Variants in SMCHD1 observed in about 807,000 individuals in gnomAD.
The protein encoded by SMCHD1 is structural maintenance of chromosomes flexible hinge domain containing 1, also known as structural maintenance of chromosomes flexible hinge domain-containing protein 1.
A neutral mutation model predicts 254.7 loss-of-function variants in SMCHD1; 78 were observed. The observed-to-expected ratio is 0.31, with a 90% confidence interval of 0.26 to 0.37. The LOEUF (loss-of-function observed/expected upper bound fraction) is 0.37, where lower values mean the gene tolerates loss of function less well. Ranked by LOEUF, SMCHD1 falls within the 10% of genes least tolerant of loss-of-function variation. The pLI is 1.00. For missense variants in SMCHD1, 1,840 were observed against 2,408.1 expected (o/e 0.76, Z 4.94); for synonymous variants, 766 against 794.9 (o/e 0.96, Z 0.61).
rs764920870 is a variant in SMCHD1 at position 2,763,716 on chromosome 18, C to T, written c.4646C>T (p.Thr1549Ile). ...ATIKGSNEED[T>I]DTPLFIGKVR... ...ATTAAAGGCTCTAATGAGGAAGATA[C>T]TGATACCCCACTTTTTATTGGGAAA... Residue 1549 changes from threonine to isoleucine, a missense_variant, in exon 37 of 48, where the codon ACT becomes ATT. By Grantham distance (89) the Thr-to-Ile change is moderately conservative. Transcript: ENST00000320876. 5.0e-6 allele frequency: 8 copies of T among 1,609,888 alleles called. No individual in the cohort carries two copies. In the South Asian group the frequency reaches 6.6e-5, roughly 13 times the overall value.
At position 2,750,340 on chromosome 18, in the gene SMCHD1, G is replaced by A. The variant is rs1555647228; in HGVS notation, c.4008-10G>A. On this transcript the variant is annotated splice_polypyrimidine_tract_variant and intron_variant, in intron 31 of 47. Coordinates refer to ENST00000320876, the MANE Select transcript of SMCHD1 (RefSeq NM_015295.3). Reference sequence around the variant, plus strand: ...GTAATTTGAACCCCTCTCCTCTTTTGTTTTGTTAGGGGAGAGCATACTCTT... The same window carrying A: ...GTAATTTGAACCCCTCTCCTCTTTTATTTTGTTAGGGGAGAGCATACTCTT... The A allele has an allele frequency of 6.3e-7, 1 of 1,593,814 alleles. No homozygotes were observed. The highest frequency in any genetic ancestry group is 8.5e-7 in the Non-Finnish European group (1 of 1,172,384).
At chr18:2,729,250 A>C (rs771030921) in intron 23 of SMCHD1, 25 bp from the exon 24 acceptor site, 1 of 1,420,604 alleles carries the variant, frequency 7.0e-7, no homozygotes, top group South Asian at 1.6e-5. Flanking sequence ...TAGGGGTCTT[A>C]CATTATTTTT....
intron 25 of SMCHD1, among the ~76,000 whole-genome samples, chr18:2,734,647 T>C (rs947922307): frequency 1.2e-4 from 2 of 16,912 alleles, no homozygotes; most frequent in African/African-American, 3.3e-4. Context: ...GCTTGCTTAT[T>C]TTCCTTTTTT....
chr18:2,668,922 CT>C (rs34582467), intron 3 of SMCHD1, among the ~76,000 whole-genome samples: 1 of 151,548 alleles, frequency 6.6e-6, no homozygotes, highest in Non-Finnish European at 1.5e-5. Flanking sequence ...GATTTTTTTC[CT>C]TTTTGCAGTA....
intron 37 of SMCHD1, 133 bp from the exon 38 acceptor site, chr18:2,769,561 G>T: frequency 1.2e-6 from 1 of 863,710 alleles, no homozygotes; most frequent in Non-Finnish European, 1.8e-6. Flanking sequence ...GGAATCTTAA[G>T]GATCAGCCTA....
At position 2,791,074 on chromosome 18, in the gene SMCHD1, A is replaced by G. The variant is rs557538041; in HGVS notation, c.5720-4875A>G. On this transcript the variant is annotated intron_variant, in intron 45 of 47. Coordinates refer to ENST00000320876, the MANE Select transcript of SMCHD1 (RefSeq NM_015295.3). ...AAAGTTATAAAATTAGCATACAAAA[A>G]TAATAGCATTCATATAATCTTACAG... Among the ~76,000 whole-genome samples, 10 of 152,372 alleles carry G rather than the reference A, an allele frequency of 6.6e-5. No homozygotes were observed. In the East Asian group the frequency reaches 1.3e-3, roughly 21 times the overall value.
At chr18:2,748,432 GC>G (rs35837792) in intron 30 of SMCHD1, among the ~76,000 whole-genome samples, 127,743 of 128,038 alleles carry the variant, frequency 1, 63,724 homozygotes, top group Middle Eastern at 1. Flanking sequence ...TCGCTGCAAC[GC>G]CCCAGGCTGG....
chr18:2,670,946 T>C (rs1462059383), intron 3 of SMCHD1, among the ~76,000 whole-genome samples: 1 of 150,774 alleles, frequency 6.6e-6, no homozygotes, highest in East Asian at 1.9e-4. Context: ...AATTCTTTTT[T>C]TTTTTTTTTG....
chr18:2,784,356 T>C (rs2076206324), intron 44 of SMCHD1, 94 bp from the exon 45 acceptor site: 2 of 1,090,868 alleles, frequency 1.8e-6, no homozygotes, highest in Non-Finnish European at 2.6e-6. Context: ...TGTGATCCTG[T>C]CATTTCTAAT....
chr18:2,657,946 C>A (rs1051639526), intron 1 of SMCHD1, among the ~76,000 whole-genome samples: 2 of 151,252 alleles, frequency 1.3e-5, no homozygotes, highest in Non-Finnish European at 2.9e-5. Flanking sequence ...CCATGCCCAG[C>A]TATGTTTTTT....
chr18:2,688,877 C>T (rs1351488457), intron 7 of SMCHD1, 130 bp downstream of exon 7: 3 of 503,358 alleles, frequency 6.0e-6, no homozygotes, highest in African/African-American at 5.8e-5. Flanking sequence ...CAAAAATGGG[C>T]TTTCTCAAGC....
In SMCHD1 at chr18:2,796,484, C is replaced by T; in HGVS notation, c.5956C>T (p.Pro1986Ser). 1.2e-6 allele frequency: 2 copies of T among 1,603,856 alleles called. No individual in the cohort carries two copies. The highest frequency in any genetic ancestry group is 1.7e-4 in the Middle Eastern group (1 of 6,050). The change falls in exon 47 of 48, where the codon CCT (proline) becomes TCT (serine). Residue 1986 changes from proline (P) to serine (S), a missense_variant. Around this residue, in one of 9 missense-constraint regions of SMCHD1, gnomAD observed 132 missense variants for 138.2 expected, o/e 0.95. Transcript: ENST00000320876. The part of the protein sequence containing the change: ...KVETTDCPVP[P>S]KRMRREATRQ... ...TGAGACGACAGATTGTCCAGTTCCT[C>T]CTAAAAGAATGAGACGAGAAGCTAC...
At position 2,679,926 on chromosome 18, in the gene SMCHD1, A is replaced by G. The variant is rs112260467; in HGVS notation, c.638+5781A>G. Among the ~76,000 whole-genome samples the G allele has an allele frequency of 1.6e-3, 245 of 152,198 alleles. 2 individuals carry two copies. Among genetic ancestry groups the G allele is most frequent in the African/African-American group, 5.7e-3 (238 of 41,508 alleles). On this transcript the variant is annotated intron_variant, in intron 5 of 47. Transcript: ENST00000320876. Reference sequence around the variant, plus strand: ...TTGTTCCTCAAACTAAATAATTTCAATCAGCCTACCTTCAAGTTTATGGAT... The same window carrying G: ...TTGTTCCTCAAACTAAATAATTTCAGTCAGCCTACCTTCAAGTTTATGGAT...
chr18:2,773,485 T>C (rs2143758095), intron 41 of SMCHD1, among the ~76,000 whole-genome samples: 1 of 152,288 alleles, frequency 6.6e-6, no homozygotes, highest in South Asian at 2.1e-4. Context: ...TCTTTGAAAT[T>C]TCGTTTTACA....
intron 34 of SMCHD1, among the ~76,000 whole-genome samples, chr18:2,756,230 T>C (rs2075675592): frequency 6.6e-6 from 1 of 152,236 alleles, no homozygotes; most frequent in Non-Finnish European, 1.5e-5. Flanking sequence ...AATTTTATCA[T>C]GTTGTATTAT....
At chr18:2,796,705 C>T (rs1242216604) in intron 47 of SMCHD1, 184 bp downstream of exon 47, 13 of 541,884 alleles carry the variant, frequency 2.4e-5, no homozygotes, top group Middle Eastern at 4.7e-4. Context: ...CTCAGCCTCC[C>T]GAGTAGCTGG....
At chr18:2,757,887 A>C (rs541309613) in intron 34 of SMCHD1, among the ~76,000 whole-genome samples, 1 of 151,964 alleles carries the variant, frequency 6.6e-6, no homozygotes, top group Non-Finnish European at 1.5e-5. Flanking sequence ...GATTATTATT[A>C]TTATTTTTTT....
chr18:2,698,418 G>A (rs2074330245), intron 10 of SMCHD1, among the ~76,000 whole-genome samples: 1 of 152,026 alleles, frequency 6.6e-6, no homozygotes, highest in African/African-American at 2.4e-5. Context: ...CTGTAGAAAG[G>A]CTTTTTACAT....
intron 24 of SMCHD1, among the ~76,000 whole-genome samples, chr18:2,730,652 T>C (rs1177309601): frequency 1.3e-5 from 2 of 152,188 alleles, no homozygotes; most frequent in Non-Finnish European, 2.9e-5. Context: ...TTAAGTAAAA[T>C]ACTTAAATGT....
Sources: gnomAD v4.1 joint callset for allele counts (sites outside exome capture counted in the v4.1 genomes callset) on GRCh38, gnomAD v4.1.1 for gene constraint, gnomAD v4.1.1 regional missense constraint, MANE v1.5 for transcripts, NCBI Gene and HGNC (gene_info 2026-07-23, HGNC 2026-07-21) for gene names.